Variants in MYH11 observed in about 807,000 individuals in gnomAD.
The protein encoded by MYH11 is myosin heavy chain 11.
In MYH11, 80 loss-of-function variants were observed where a neutral mutation model predicts 246.6. The ratio of observed to expected loss-of-function variants is 0.32; its 90% CI spans 0.27 to 0.39. MYH11 has a LOEUF of 0.39. MYH11 is among the 10% of genes least tolerant of loss of function. The probability of loss-of-function intolerance (pLI) is 1.00; values close to 1 mark genes in which losing one functional copy is unlikely to be tolerated. For synonymous variants in MYH11, 1,071 were observed against 1,015.5 expected, an observed-to-expected ratio of 1.05 and a Z score of -1.04; for missense variants, 2,158 against 2,546.8, an observed-to-expected ratio of 0.85 and a Z score of 3.29.
Position 15,720,976 on chromosome 16 carries a change from C to G in MYH11, c.4654G>C (p.Glu1552Gln), listed in dbSNP as rs2040440320. ...EEMKTQLEEL[E>Q]DELQATEDAK... is the part of the protein sequence containing the mutation. ...TCCTCCGTGGCTTGCAGCTCGTCCT[C>G]CAGCTCTTCCAGCTGCGTCTTCATC... is the stretch of plus-strand genomic sequence containing the variant. Residue 1552 changes from glutamate to glutamine, a missense_variant, in exon 33 of 41, where the codon GAG becomes CAG. Around this residue, in one of 11 missense-constraint regions of MYH11, gnomAD observed 1,013 missense variants for 993.5 expected, o/e 1.02. Transcript: ENST00000300036. The G allele has an allele frequency of 2.5e-6, 4 of 1,614,134 alleles. No individual in the cohort carries two copies. Among genetic ancestry groups the G allele is most frequent in the South Asian group, 1.1e-5 (1 of 91,080 alleles).
At chr16:15,775,970 C>T (rs2151295952) in intron 8 of MYH11, 108 bp downstream of exon 8, 1 of 849,040 alleles carries the variant, frequency 1.2e-6, no homozygotes, top group South Asian at 1.3e-5. Flanking sequence ...AGACATGGTC[C>T]TTTCTGGCAG....
At position 15,706,602 on chromosome 16, in the gene MYH11, G is replaced by A. The variant is rs192141881; in HGVS notation, c.5787-2479C>T. Among the ~76,000 whole-genome samples the A allele has an allele frequency of 2.5e-3, 380 of 152,170 alleles. 4 individuals carry two copies. The highest frequency in any genetic ancestry group is 8.4e-3 in the African/African-American group (347 of 41,520). ...GGCGCCTGGAATCCCAGTCACTCAG[G>A]AGGCTGAGGCAGGAGAATTGCTTGA... On this transcript the variant is annotated intron_variant, in intron 40 of 40. Coordinates refer to ENST00000300036, the MANE Select transcript of MYH11 (RefSeq NM_002474.3).
chr16:15,797,386 CTG>C, intron 4 of MYH11, among the ~76,000 whole-genome samples: 1 of 152,094 alleles, frequency 6.6e-6, no homozygotes, highest in African/African-American at 2.4e-5. Context: ...TGGTTTGCCC[CTG>C]TGTTTTCCAC....
At chr16:15,727,531 A>G (rs2151227085) in intron 27 of MYH11, among the ~76,000 whole-genome samples, 1 of 152,254 alleles carries the variant, frequency 6.6e-6, no homozygotes, top group East Asian at 1.9e-4. Context: ...CCTAAAGCTC[A>G]TGGGTTGCAA....
chr16:15,807,312 G>C (rs1484805658), intron 3 of MYH11, among the ~76,000 whole-genome samples: 1 of 152,020 alleles, frequency 6.6e-6, no homozygotes, highest in East Asian at 1.9e-4. Context: ...GCTTATCCTT[G>C]CTTTTGAGAA....
At chr16:15,855,226 C>T (rs961327713) in intron 1 of MYH11, among the ~76,000 whole-genome samples, 46 of 152,226 alleles carry the variant, frequency 3.0e-4, no homozygotes, top group African/African-American at 1.1e-3. Context: ...AGTTCACGTT[C>T]TGGACTCTCG....
chr16:15,725,598 CAAG>C (rs1297765358), intron 28 of MYH11: 10 of 406,192 alleles, frequency 2.5e-5, no homozygotes, highest in Admixed American at 1.6e-4. Context: ...CTTCCATTGA[CAAG>C]GAGGATATGA....
intron 40 of MYH11, among the ~76,000 whole-genome samples, chr16:15,705,139 G>A (rs1300872059): frequency 6.6e-6 from 1 of 151,954 alleles, no homozygotes; most frequent in Admixed American, 6.6e-5. Flanking sequence ...ACACTGCCAC[G>A]CCTGGCTAAT....
At position 15,712,314 on chromosome 16, in the gene MYH11, C is replaced by T. The variant is rs373374097; in HGVS notation, c.5786+2595G>A. ...ATTAGATATACATGGAATTCTAAAGCGCCAAGATTAGTTGAGACCTCTCAC... is the reference window on the plus strand; with the variant it reads ...ATTAGATATACATGGAATTCTAAAGTGCCAAGATTAGTTGAGACCTCTCAC... On this transcript the variant is annotated intron_variant, in intron 40 of 40. Transcript: ENST00000300036. 5.4e-4 allele frequency among the ~76,000 whole-genome samples: 82 copies of T among 152,122 alleles called. No individual in the cohort carries two copies. The East Asian group carries it at 7.2e-3, about 13-fold the overall frequency.
intron 25 of MYH11, among the ~76,000 whole-genome samples, chr16:15,737,088 G>A (rs555784070): frequency 4.0e-4 from 61 of 152,102 alleles, no homozygotes; most frequent in Non-Finnish European, 7.5e-4. Context: ...GGTCATTCCC[G>A]CCTTAGACAG....
At chr16:15,707,426 C>T (rs1343681429) in intron 40 of MYH11, among the ~76,000 whole-genome samples, 1 of 152,176 alleles carries the variant, frequency 6.6e-6, no homozygotes, top group Non-Finnish European at 1.5e-5. Context: ...CAGTTTCCCA[C>T]TGACCAGTGG....
chr16:15,735,496 C>T lies in MYH11; in HGVS notation c.3376G>A (p.Asp1126Asn). The change falls in exon 26 of 41, where the codon GAC (aspartate) becomes AAC (asparagine). Residue 1126 changes from aspartate (D) to asparagine (N), a missense_variant. Coordinates refer to ENST00000300036, the MANE Select transcript of MYH11 (RefSeq NM_002474.3). The stretch of plus-strand genomic sequence containing the variant: ...CTGGCGGCCCGCTCTGAGTCCAGGT[C>T]CTCCTGGAGGTCTGAGATGTGGCCC... Reference protein sequence around the residue: ...LEGHISDLQEDLDSERAARNK... With the variant: ...LEGHISDLQENLDSERAARNK... The T allele has an allele frequency of 3.1e-6, 5 of 1,614,128 alleles. No individual in the cohort carries two copies. The highest frequency in any genetic ancestry group is 4.2e-6 in the Non-Finnish European group (5 of 1,180,032).
intron 27 of MYH11, among the ~76,000 whole-genome samples, chr16:15,731,110 C>T (rs1006815060): frequency 1.3e-5 from 2 of 152,232 alleles, no homozygotes; most frequent in African/African-American, 4.8e-5. Flanking sequence ...GAGGCATGAG[C>T]CGCCATGCCT....
chr16:15,777,133 G>T (rs969493786), intron 7 of MYH11, among the ~76,000 whole-genome samples: 1 of 126,420 alleles, frequency 7.9e-6, no homozygotes, highest in African/African-American at 3.4e-5. Context: ...ACACACGCAC[G>T]TATGTTTGAG....
Position 15,841,639 on chromosome 16 carries a change from A to C in MYH11, c.-17-3370T>G, listed in dbSNP as rs1026078153. On this transcript the variant is annotated intron_variant, in intron 1 of 40. Coordinates refer to ENST00000300036, the MANE Select transcript of MYH11 (RefSeq NM_002474.3). ...AGATTCACGTTATCTGTCGTTATCC[A>C]GATGTGTTTATGAGGAGAGGGACAG... is the stretch of plus-strand genomic sequence containing the variant. 2.3e-4 allele frequency among the ~76,000 whole-genome samples: 35 copies of C among 152,220 alleles called. 1 individual carries two copies. The highest frequency in any genetic ancestry group is 8.2e-4 in the African/African-American group (34 of 41,466).
rs563411654 is a variant in MYH11 at position 15,813,692 on chromosome 16, A to G, written c.502+9563T>C. 3.3e-5 allele frequency among the ~76,000 whole-genome samples: 5 copies of G among 152,090 alleles called. No individual in the cohort carries two copies. The East Asian group carries it at 9.7e-4, about 29-fold the overall frequency. On this transcript the variant is annotated intron_variant, in intron 3 of 40. Coordinates refer to ENST00000300036, the MANE Select transcript of MYH11 (RefSeq NM_002474.3). ...TAAAATAACTGTAAAAGACTTTCCA[A>G]AAATACATGAACCAGTTTAGCCGGG...
At chr16:15,843,840 G>T (rs2044120127) in intron 1 of MYH11, among the ~76,000 whole-genome samples, 1 of 152,104 alleles carries the variant, frequency 6.6e-6, no homozygotes, top group Admixed American at 6.6e-5. Flanking sequence ...ACTGGGATGG[G>T]GCCCAAGAAT....
At chr16:15,844,505 T>C (rs565792765) in intron 1 of MYH11, among the ~76,000 whole-genome samples, 2 of 152,264 alleles carry the variant, frequency 1.3e-5, no homozygotes, top group South Asian at 4.2e-4. Flanking sequence ...GCCAGTACTC[T>C]CTTTCTTTAA....
chr16:15,704,857 AAATT>A (rs1376912211), intron 40 of MYH11, among the ~76,000 whole-genome samples: 1 of 152,202 alleles, frequency 6.6e-6, no homozygotes, highest in African/African-American at 2.4e-5. Context: ...TTATTTTATT[AAATT>A]GAGATGAGGT....
Sources: gnomAD v4.1 joint callset for allele counts (sites outside exome capture counted in the v4.1 genomes callset) on GRCh38, gnomAD v4.1.1 for gene constraint, gnomAD v4.1.1 regional missense constraint, MANE v1.5 for transcripts, NCBI Gene and HGNC (gene_info 2026-07-23, HGNC 2026-07-21) for gene names.